PTPRJ: variants seen among roughly 807,000 people sequenced by gnomAD.
PTPRJ encodes receptor-type tyrosine-protein phosphatase eta.
A neutral mutation model predicts 141.3 loss-of-function variants in PTPRJ; 129 were observed. The ratio of observed to expected loss-of-function variants is 0.91; its 90% CI spans 0.79 to 1.06. PTPRJ has a LOEUF of 1.06. Among genes scored for constraint, PTPRJ ranks in the 50% least tolerant of loss-of-function variants. The pLI, the probability that PTPRJ is intolerant of heterozygous loss-of-function variation, is 0.00. For synonymous variants in PTPRJ, 610 were observed against 640.5 expected (o/e 0.95, Z 0.72); for missense variants, 1,601 against 1,679.7 (o/e 0.95, Z 0.82).
At chr11:48,108,950 CT>C (rs1158767065) in intron 1 of PTPRJ, among the ~76,000 whole-genome samples, 8 of 152,152 alleles carry the variant, frequency 5.3e-5, no homozygotes. Flanking sequence ...GATCTCTGTT[CT>C]CATGGAGCAC....
At chr11:48,084,073 T>C (rs58817725) in intron 1 of PTPRJ, among the ~76,000 whole-genome samples, 8 of 152,332 alleles carry the variant, frequency 5.3e-5, no homozygotes, top group African/African-American at 1.9e-4. Context: ...GAGTTTATTC[T>C]AGTGAACAGA....
intron 22 of PTPRJ, among the ~76,000 whole-genome samples, chr11:48,161,720 C>T (rs921575902): frequency 3.3e-5 from 5 of 152,106 alleles, no homozygotes; most frequent in Non-Finnish European, 5.9e-5. Context: ...CCAAGTGATT[C>T]TCCTGCCTCA....
intron 24 of PTPRJ, among the ~76,000 whole-genome samples, chr11:48,166,196 A>G (rs1055470715): frequency 5.3e-5 from 8 of 150,352 alleles, no homozygotes; most frequent in African/African-American, 1.2e-4. Context: ...TCCTTCCCCA[A>G]TCCTGCTTCC....
intron 1 of PTPRJ, among the ~76,000 whole-genome samples, chr11:48,035,621 C>A (rs1182893880): frequency 8.0e-6 from 1 of 124,394 alleles, no homozygotes; most frequent in Non-Finnish European, 1.6e-5. Context: ...CGTTGTATTA[C>A]AGAGAGTCAC....
intron 1 of PTPRJ, among the ~76,000 whole-genome samples, chr11:47,981,523 C>T (rs1177174041): frequency 6.6e-6 from 1 of 152,212 alleles, no homozygotes; most frequent in Non-Finnish European, 1.5e-5. Flanking sequence ...CGCGGGACTC[C>T]GGGCCGAGGG....
intron 1 of PTPRJ, among the ~76,000 whole-genome samples, chr11:47,990,160 C>CA (rs1294125997): frequency 3.9e-4 from 59 of 151,982 alleles, no homozygotes; most frequent in Non-Finnish European, 5.4e-4. Context: ...AACAAACAAA[C>CA]AAAAAACTAG....
At chr11:48,000,756 A>G (rs1418511752) in intron 1 of PTPRJ, among the ~76,000 whole-genome samples, 2 of 150,830 alleles carry the variant, frequency 1.3e-5, no homozygotes, top group Non-Finnish European at 3.0e-5. Flanking sequence ...ATCCTCCTTC[A>G]TTTCCTCCCA....
chr11:48,099,854 C>T (rs1231518729), intron 1 of PTPRJ, among the ~76,000 whole-genome samples: 3 of 152,116 alleles, frequency 2.0e-5, no homozygotes, highest in African/African-American at 2.4e-5. Flanking sequence ...TGCAGAACAG[C>T]GGCAGTTTCC....
intron 1 of PTPRJ, among the ~76,000 whole-genome samples, chr11:48,071,607 C>T (rs1175567289): frequency 1.2e-4 from 10 of 82,444 alleles, no homozygotes; most frequent in Admixed American, 2.0e-4. Context: ...CGCACCCAGC[C>T]TTTTTTTTTT....
intron 22 of PTPRJ, among the ~76,000 whole-genome samples, chr11:48,162,726 G>A (rs1857817363): frequency 1.3e-5 from 2 of 152,192 alleles, no homozygotes; most frequent in African/African-American, 4.8e-5. Context: ...TGGGCATAAC[G>A]AGTACAGCTG....
intron 1 of PTPRJ, among the ~76,000 whole-genome samples, chr11:47,990,293 CAAAAA>C (rs538249550): frequency 9.0e-4 from 137 of 151,708 alleles, no homozygotes; most frequent in African/African-American, 3.2e-3. Context: ...TTTAAAGTGA[CAAAAA>C]AAGGTGAATA....
chr11:48,136,036 C>T lies in PTPRJ; in HGVS notation c.1616-3C>T, dbSNP rs1257159350. 1.9e-6 allele frequency: 3 copies of T among 1,612,350 alleles called. No individual in the cohort carries two copies. The highest frequency in any genetic ancestry group is 1.7e-4 in the Middle Eastern group (1 of 5,872). ...TCCCTTCTCCTTCCTTTCTTCTGAG[C>T]AGTTCCCAGTGCAGTGTTTGACATC... On this transcript the variant is annotated splice_region_variant and splice_polypyrimidine_tract_variant and intron_variant, in intron 8 of 24. Transcript: ENST00000418331.
chr11:48,078,216 G>A (rs936297891), intron 1 of PTPRJ, among the ~76,000 whole-genome samples: 14 of 151,962 alleles, frequency 9.2e-5, no homozygotes, highest in African/African-American at 3.4e-4. Flanking sequence ...CCACCACCAC[G>A]CTTGGCTAAT....
chr11:48,045,393 G>A (rs1007905302), intron 1 of PTPRJ, among the ~76,000 whole-genome samples: 1 of 152,174 alleles, frequency 6.6e-6, no homozygotes, highest in Non-Finnish European at 1.5e-5. Context: ...GGCCCTGAGA[G>A]TGATCAGAGA....
chr11:48,013,389 A>G (rs2134204073), intron 1 of PTPRJ, among the ~76,000 whole-genome samples: 1 of 152,300 alleles, frequency 6.6e-6, no homozygotes, highest in African/African-American at 2.4e-5. Context: ...CAGTTCCTGC[A>G]GGAGCCAGTG....
intron 1 of PTPRJ, among the ~76,000 whole-genome samples, chr11:47,989,601 TC>T (rs1160155412): frequency 1.3e-5 from 2 of 151,506 alleles, no homozygotes; most frequent in Non-Finnish European, 2.9e-5. Context: ...TTTGGTTAAC[TC>T]CCTGTTCATT....
intron 1 of PTPRJ, among the ~76,000 whole-genome samples, chr11:48,025,951 C>G (rs759987008): frequency 9.2e-5 from 14 of 152,186 alleles, no homozygotes; most frequent in Non-Finnish European, 1.6e-4. Context: ...CTCATCCCCC[C>G]AATTATGGAA....
chr11:48,144,994 C>G lies in PTPRJ; in HGVS notation c.2787-6C>G, dbSNP rs147624873. ...GGACCTCTTTTTGCTCTTTGTTATC[C>G]CACAGGGCTTGTGTGGCTGGCTTCA... is the stretch of plus-strand genomic sequence containing the variant. On this transcript the variant is annotated splice_region_variant and splice_polypyrimidine_tract_variant and intron_variant, in intron 13 of 24. Coordinates refer to ENST00000418331, the MANE Select transcript of PTPRJ (RefSeq NM_002843.4). 1.7e-4 allele frequency: 273 copies of G among 1,614,128 alleles called. 3 individuals carry two copies. In the East Asian group the frequency reaches 5.9e-3, roughly 35 times the overall value.
intron 1 of PTPRJ, among the ~76,000 whole-genome samples, chr11:48,045,830 A>G (rs1198016615): frequency 6.6e-6 from 1 of 152,060 alleles, no homozygotes; most frequent in Admixed American, 6.5e-5. Flanking sequence ...GGTACTTAAC[A>G]AGTTTGGTTC....
Sources: allele counts gnomAD v4.1 joint callset (sites outside exome capture counted in the v4.1 genomes callset), GRCh38; gene constraint gnomAD v4.1.1; transcripts MANE v1.5; gene names NCBI Gene and HGNC (gene_info 2026-07-23, HGNC 2026-07-21).